Variants in TBC1D16 observed in about 807,000 individuals in gnomAD.
TBC1D16 encodes TBC1 domain family member 16.
A neutral mutation model predicts 74.7 loss-of-function variants in TBC1D16; 58 were observed. The ratio of observed to expected loss-of-function variants is 0.78; its 90% CI spans 0.63 to 0.97. The LOEUF is 0.97. TBC1D16 is among the 50% of genes least tolerant of loss of function. The pLI is 0.00. For synonymous variants in TBC1D16, 493 were observed against 474.7 expected, an observed-to-expected ratio of 1.04 and a Z score of -0.50; for missense variants, 1,014 against 1,079.5, an observed-to-expected ratio of 0.94 and a Z score of 0.85.
chr17:79,979,032 T>C lies in TBC1D16; in HGVS notation c.780-26214A>G, dbSNP rs1396589009. 6.6e-6 allele frequency among the ~76,000 whole-genome samples: 1 copy of C among 152,226 alleles called. No individual in the cohort carries two copies. The highest frequency in any genetic ancestry group is 1.5e-5 in the Non-Finnish European group (1 of 68,042). ...CTGAACCCAAAAAGAATGTTTATTT[T>C]TTTTCCCCTAGATTTTATAGGAGCT... On this transcript the variant is annotated intron_variant, in intron 3 of 11. Transcript: ENST00000310924. This position sits in a 1 kb window ranked among gnomAD's most constrained non-coding sequence, Gnocchi z 4.8.
chr17:79,945,090 G>C lies in TBC1D16; in HGVS notation c.1729-3C>G. 6.3e-7 allele frequency: 1 copy of C among 1,576,408 alleles called. No homozygotes were observed. The highest frequency in any genetic ancestry group is 8.6e-7 in the Non-Finnish European group (1 of 1,162,356). On this transcript the variant is annotated splice_region_variant and splice_polypyrimidine_tract_variant and intron_variant, in intron 9 of 11. Coordinates refer to ENST00000310924, the MANE Select transcript of TBC1D16 (RefSeq NM_019020.4). ...CGCAGCAGCTCGCGCAGGTACAGCT[G>C]GGGGTGAGGCCGTCACGCGTTAGTT... is the stretch of plus-strand genomic sequence containing the variant.
chr17:79,942,893 C>T (rs537565485), intron 10 of TBC1D16, among the ~76,000 whole-genome samples: 5 of 152,374 alleles, frequency 3.3e-5, no homozygotes, highest in African/African-American at 4.8e-5. Context: ...GACCGCCTCA[C>T]GGGGCCTGCC....
chr17:80,035,427 C>T lies in TBC1D16; in HGVS notation c.-63+368G>A, dbSNP rs1417746813. Among the ~76,000 whole-genome samples the T allele has an allele frequency of 1.3e-5, 2 of 152,044 alleles. No homozygotes were observed. The highest frequency in any genetic ancestry group is 2.9e-5 in the Non-Finnish European group (2 of 67,982). Reference sequence around the variant, plus strand: ...CGCCGGCACCCCACAAGTTCTCATCCGTCTGCTCCGCCGATTCAGCCAGAC... The same window carrying T: ...CGCCGGCACCCCACAAGTTCTCATCTGTCTGCTCCGCCGATTCAGCCAGAC... On this transcript the variant is annotated intron_variant, in intron 1 of 11. Transcript: ENST00000310924. The surrounding 1 kb of genome is among the most constrained non-coding windows in gnomAD (Gnocchi z 5.3).
chr17:79,944,182 G>T lies in TBC1D16; in HGVS notation c.1908+726C>A. 1 of 1,528,976 alleles carries T rather than the reference G, an allele frequency of 6.5e-7. No homozygotes were observed. The allele number at this position is 1,528,976 out of a possible 1,614,324, so 94.7% of individuals were successfully genotyped here. A position where few individuals can be genotyped will look rare whatever the true frequency, so the allele number is the denominator to read the frequency against. ...GATGGGTGTTTGCCTCCATCTTCAG[G>T]GTTCTCTGACGGAGGCTGCTGGAGC... On this transcript the variant is annotated intron_variant, in intron 10 of 11. Transcript: ENST00000310924. This position sits in a 1 kb window ranked among gnomAD's most constrained non-coding sequence, Gnocchi z 7.7.
At chr17:79,997,669 C>T (rs527725443) in intron 3 of TBC1D16, among the ~76,000 whole-genome samples, 2 of 152,308 alleles carry the variant, frequency 1.3e-5, no homozygotes, top group East Asian at 3.9e-4. Context: ...TAATGTCTTG[C>T]ATTTGCGTGG....
intron 3 of TBC1D16, among the ~76,000 whole-genome samples, chr17:79,958,611 A>G (rs557452194): frequency 1.3e-5 from 2 of 152,240 alleles, no homozygotes; most frequent in East Asian, 1.9e-4. Flanking sequence ...ATTCCTAGGA[A>G]TGAATCCTAA....
intron 3 of TBC1D16, among the ~76,000 whole-genome samples, chr17:79,977,182 A>C (rs2034366184): frequency 6.6e-6 from 1 of 152,100 alleles, no homozygotes; most frequent in Admixed American, 6.5e-5. Flanking sequence ...CCAACGTCCA[A>C]AGCTTTCCTG....
At chr17:80,018,847 T>A (rs1178928442) in intron 1 of TBC1D16, among the ~76,000 whole-genome samples, 1 of 150,032 alleles carries the variant, frequency 6.7e-6, no homozygotes, top group Non-Finnish European at 1.5e-5. Flanking sequence ...GTGATCCTCC[T>A]GCCTCAGCCT....
rs140663983 is a variant in TBC1D16 at position 80,010,205 on chromosome 17, G to A, written c.734C>T (p.Ala245Val). 7.8e-5 allele frequency: 125 copies of A among 1,612,698 alleles called. 1 individual carries two copies. Among genetic ancestry groups the A allele is most frequent in the Middle Eastern group, 4.9e-4 (3 of 6,078 alleles). ...SPFCLSPISA[A>V]LAESRGSVFL... Reference sequence around the variant, plus strand: ...CACGGAGCCGCGGCTCTCGGCCAGCGCCGCGCTGATGGGCGAGAGGCAGAA... The same window carrying A: ...CACGGAGCCGCGGCTCTCGGCCAGCACCGCGCTGATGGGCGAGAGGCAGAA... The change falls in exon 3 of 12, where the codon GCG becomes GTG. Residue 245 changes from alanine to valine, a missense_variant. Ala to Val is a moderately conservative substitution (Grantham distance 64). Transcript: ENST00000310924. This position sits in a 1 kb window ranked among gnomAD's most constrained non-coding sequence, Gnocchi z 8.8.
In TBC1D16 at chr17:80,014,878, A is replaced by C. The variant is rs146746339; in HGVS notation, c.-62-1269T>G. Among the ~76,000 whole-genome samples the C allele has an allele frequency of 2.0e-3, 305 of 152,354 alleles. 2 individuals are homozygous for C. The highest frequency in any genetic ancestry group is 7.2e-3 in the African/African-American group (299 of 41,592). On this transcript the variant is annotated intron_variant, in intron 1 of 11. Coordinates refer to ENST00000310924, the MANE Select transcript of TBC1D16 (RefSeq NM_019020.4). ...TGGGTCAGAGAACTTCTGCCCCGTGAGGACACATTCATGTGGGTAAGACGA... is the reference window on the plus strand; with the variant it reads ...TGGGTCAGAGAACTTCTGCCCCGTGCGGACACATTCATGTGGGTAAGACGA...
Position 80,025,589 on chromosome 17 carries a change from G to GGAGCAGCCGCCTGCTA in TBC1D16, c.-63+10205_-63+10206insTAGCAGGCGGCTGCTC, listed in dbSNP as rs1555886173. Among the ~76,000 whole-genome samples the GGAGCAGCCGCCTGCTA allele has an allele frequency of 1.5e-3, 221 of 144,114 alleles. 1 individual carries two copies. Among genetic ancestry groups the GGAGCAGCCGCCTGCTA allele is most frequent in the Non-Finnish European group, 2.8e-3 (184 of 65,822 alleles). 94.5% of individuals were successfully genotyped at this position (144,114 alleles called of 152,430 possible). ...CGCCTGCTGGGAGCAGCCGCCTGCT[G>GGAGCAGCCGCCTGCTA]GGAGCACCTCCTTGCTGGAAGCACC... On this transcript the variant is annotated intron_variant, in intron 1 of 11. Transcript: ENST00000310924.
In TBC1D16 at chr17:79,980,605, C is replaced by G. The variant is rs1304337922; in HGVS notation, c.780-27787G>C. ...CAGTGTAGGGACTGGCGAAGAGACA[C>G]AGTGGGTGGCAGGAACGGGGAACAG... is the stretch of plus-strand genomic sequence containing the variant. On this transcript the variant is annotated intron_variant, in intron 3 of 11. Transcript: ENST00000310924. The surrounding 1 kb of genome is among the most constrained non-coding windows in gnomAD (Gnocchi z 7.0). Among the ~76,000 whole-genome samples the G allele has an allele frequency of 1.3e-5, 2 of 152,192 alleles. No individual in the cohort carries two copies. Among genetic ancestry groups the G allele is most frequent in the Non-Finnish European group, 2.9e-5 (2 of 68,034 alleles).
chr17:79,944,056 G>A lies in TBC1D16; in HGVS notation c.1908+852C>T, dbSNP rs894519241. 7.2e-6 allele frequency: 11 copies of A among 1,536,040 alleles called. No homozygotes were observed. The highest frequency in any genetic ancestry group is 9.6e-6 in the Non-Finnish European group (11 of 1,146,860). ...CGATGACCGCATGCAAAGGCGGCGT[G>A]TGGTACCGGCACTCGGTGGCTTCAG... On this transcript the variant is annotated intron_variant, in intron 10 of 11. Coordinates refer to ENST00000310924, the MANE Select transcript of TBC1D16 (RefSeq NM_019020.4). This position sits in a 1 kb window ranked among gnomAD's most constrained non-coding sequence, Gnocchi z 7.7.
chr17:79,960,811 G>GAAAAAAAAAAAAAAAAA (rs2033578708), intron 3 of TBC1D16, among the ~76,000 whole-genome samples: 1 of 40,330 alleles, frequency 2.5e-5, no homozygotes, highest in African/African-American at 9.7e-5. Flanking sequence ...AAAAAAAAAC[G>GAAAAAAAAAAAAAAAAA]AAGGAATGAA....
intron 1 of TBC1D16, among the ~76,000 whole-genome samples, chr17:80,029,624 T>C (rs931904833): frequency 6.6e-6 from 1 of 152,154 alleles, no homozygotes; most frequent in African/African-American, 2.4e-5. Flanking sequence ...CTCCTCAATG[T>C]AGAAAGTGGC....
rs542281123 is a variant in TBC1D16 at position 80,007,052 on chromosome 17, C to T, written c.779+3108G>A. On this transcript the variant is annotated intron_variant, in intron 3 of 11. Transcript: ENST00000310924. The surrounding 1 kb of genome is among the most constrained non-coding windows in gnomAD (Gnocchi z 4.5). ...CACTCCAGCCTTGCACTGAAGCACA[C>T]GCTTCTGGCGGGGTGGGGAGAGTCC... Among the ~76,000 whole-genome samples, 138 of 152,356 alleles carry T rather than the reference C, an allele frequency of 9.1e-4. No individual in the cohort carries two copies. The highest frequency in any genetic ancestry group is 3.2e-3 in the African/African-American group (132 of 41,582).
chr17:79,940,850 G>A lies in TBC1D16; in HGVS notation c.*9C>T, dbSNP rs566675159. 161 of 1,526,646 alleles carry A rather than the reference G, an allele frequency of 1.1e-4. No individual in the cohort carries two copies. Among genetic ancestry groups the A allele is most frequent in the Non-Finnish European group, 1.3e-4 (147 of 1,129,736 alleles). 94.6% of individuals were successfully genotyped at this position (1,526,646 alleles called of 1,614,324 possible). ...CCCCTCAACCCCTGTCCGGTGTCGG[G>A]GGCCCGACCTATCTGCGGAAGCCGA... On this transcript the variant is annotated 3_prime_UTR_variant, in exon 12 of 12. Coordinates refer to ENST00000310924, the MANE Select transcript of TBC1D16 (RefSeq NM_019020.4). This position sits in a 1 kb window ranked among gnomAD's most constrained non-coding sequence, Gnocchi z 5.4.
At chr17:79,972,899 T>G (rs192397934) in intron 3 of TBC1D16, among the ~76,000 whole-genome samples, 5 of 151,210 alleles carry the variant, frequency 3.3e-5, no homozygotes, top group Admixed American at 1.3e-4. Context: ...CTGGGTAACA[T>G]GATGAAACCC....
In TBC1D16 at chr17:79,961,698, CCAAAAATA is replaced by C. The variant is rs2033621427; in HGVS notation, c.780-8888_780-8881del. Reference sequence around the variant, plus strand: ...CCAACATGGTGAAACACTGTATCTACCAAAAATACAAAAAATCAGCCAGACGTGGTGGC... The same window carrying C: ...CCAACATGGTGAAACACTGTATCTACCAAAAAATCAGCCAGACGTGGTGGC... On this transcript the variant is annotated intron_variant, in intron 3 of 11. Transcript: ENST00000310924. The surrounding 1 kb of genome is among the most constrained non-coding windows in gnomAD (Gnocchi z 4.8). 6.6e-6 allele frequency among the ~76,000 whole-genome samples: 1 copy of C among 151,978 alleles called. No individual in the cohort carries two copies. The highest frequency in any genetic ancestry group is 2.4e-5 in the African/African-American group (1 of 41,378).
Sources: allele counts gnomAD v4.1 joint callset (sites outside exome capture counted in the v4.1 genomes callset), GRCh38; gene constraint gnomAD v4.1.1; non-coding constraint Gnocchi (gnomAD v3.1); transcripts MANE v1.5; gene names NCBI Gene and HGNC (gene_info 2026-07-23, HGNC 2026-07-21).